STAG1: variants seen among roughly 807,000 people sequenced by gnomAD.
The protein encoded by STAG1 is cohesin subunit SA-1.
Under a neutral mutation model 170.9 loss-of-function variants are expected in STAG1, and 26 were observed. That is an observed-to-expected ratio of 0.15 (90% CI 0.11 to 0.21). The LOEUF (loss-of-function observed/expected upper bound fraction) is 0.21. STAG1 is among the 10% of genes least tolerant of loss of function. STAG1 has a pLI of 1.00. For synonymous variants in STAG1, 514 were observed against 497.7 expected (o/e 1.03, Z -0.44); for missense variants, 964 against 1,509.5 (o/e 0.64, Z 5.99).
intron 3 of STAG1, among the ~76,000 whole-genome samples, chr3:136,620,187 C>T (rs1288812792): frequency 6.6e-6 from 1 of 151,790 alleles, no homozygotes; most frequent in Non-Finnish European, 1.5e-5. Context: ...ACCAAAGATA[C>T]AAGAAATGCC....
chr3:136,548,294 A>G (rs1471684948), intron 5 of STAG1, among the ~76,000 whole-genome samples: 4 of 151,854 alleles, frequency 2.6e-5, no homozygotes, highest in Non-Finnish European at 1.5e-5. Flanking sequence ...TTGTATTTTT[A>G]GTAGAGATAG....
intron 1 of STAG1, among the ~76,000 whole-genome samples, chr3:136,714,656 A>C (rs1004170099): frequency 1.3e-5 from 2 of 152,062 alleles, no homozygotes; most frequent in African/African-American, 4.8e-5. Context: ...TGAACCCAGG[A>C]GGCGGAGCTT....
At chr3:136,691,924 C>A (rs1942737705) in intron 1 of STAG1, among the ~76,000 whole-genome samples, 1 of 152,144 alleles carries the variant, frequency 6.6e-6, no homozygotes, top group Admixed American at 6.6e-5. Context: ...TCAGTACAGT[C>A]CTGAGGCATA....
intron 9 of STAG1, among the ~76,000 whole-genome samples, chr3:136,494,890 T>A (rs1484965578): frequency 6.6e-6 from 1 of 152,180 alleles, no homozygotes; most frequent in Non-Finnish European, 1.5e-5. Context: ...AGAGGTTAAT[T>A]CTCTCCAAAT....
chr3:136,614,834 C>T (rs1939500632), intron 3 of STAG1, among the ~76,000 whole-genome samples: 1 of 151,472 alleles, frequency 6.6e-6, no homozygotes, highest in African/African-American at 2.4e-5. Context: ...CCTTATCTGG[C>T]ATAATGAGCT....
chr3:136,443,304 G>A lies in STAG1; in HGVS notation c.1529C>T (p.Pro510Leu). The change falls in exon 15 of 34, where the codon CCT (proline) becomes CTT (leucine). Residue 510 changes from proline (P) to leucine (L), a missense_variant. By Grantham distance (98) the Pro-to-Leu change is moderately conservative. This residue lies in a region of STAG1 where 162 missense variants were observed against 211.2 expected (regional missense o/e 0.77). Transcript: ENST00000383202. ...TACTATACCTTCCTCTCCTTGAACA[G>A]GTTCTTCTAATAGCAACTCTGTCAT... Reference protein sequence around the residue: ...ECMTELLLEEPVQGEEAMSDR... With the variant: ...ECMTELLLEELVQGEEAMSDR... The A allele has an allele frequency of 1.9e-6, 3 of 1,612,000 alleles. No homozygotes were observed. Among genetic ancestry groups the A allele is most frequent in the South Asian group, 1.1e-5 (1 of 90,888 alleles).
At chr3:136,693,101 T>A (rs1942778922) in intron 1 of STAG1, among the ~76,000 whole-genome samples, 1 of 152,238 alleles carries the variant, frequency 6.6e-6, no homozygotes, top group Non-Finnish European at 1.5e-5. Flanking sequence ...GATGTCATCA[T>A]GATTTTATTT....
At chr3:136,667,743 G>A (rs975963521) in intron 1 of STAG1, among the ~76,000 whole-genome samples, 4 of 152,106 alleles carry the variant, frequency 2.6e-5, no homozygotes, top group Admixed American at 1.3e-4. Flanking sequence ...TGATCTGCCC[G>A]CCTTGGCCTC....
At chr3:136,691,632 A>C (rs1942726108) in intron 1 of STAG1, among the ~76,000 whole-genome samples, 1 of 152,224 alleles carries the variant, frequency 6.6e-6, no homozygotes, top group Non-Finnish European at 1.5e-5. Flanking sequence ...AGGGAAGTGC[A>C]GGATGTCCTG....
chr3:136,528,497 C>CA (rs1366684648), intron 6 of STAG1, among the ~76,000 whole-genome samples: 27 of 110,508 alleles, frequency 2.4e-4, no homozygotes, highest in African/African-American at 7.1e-4. Flanking sequence ...TCCCCGCACC[C>CA]CCCCCCCCAA....
intron 1 of STAG1, among the ~76,000 whole-genome samples, chr3:136,673,094 T>C (rs1481609610): frequency 6.6e-6 from 1 of 152,206 alleles, no homozygotes; most frequent in Non-Finnish European, 1.5e-5. Flanking sequence ...AAAAAGGGAA[T>C]AAGAATTCGT....
chr3:136,741,430 A>G (rs1348534272), intron 1 of STAG1, among the ~76,000 whole-genome samples: 2 of 152,206 alleles, frequency 1.3e-5, no homozygotes, highest in Non-Finnish European at 2.9e-5. Context: ...ATGATCAATG[A>G]TTATTATAAC....
chr3:136,414,519 C>A (rs1479664645), intron 21 of STAG1, among the ~76,000 whole-genome samples: 2 of 152,212 alleles, frequency 1.3e-5, no homozygotes, highest in Non-Finnish European at 2.9e-5. Context: ...TCCACTACAT[C>A]TGGGTGACTT....
In STAG1 at chr3:136,347,784, T is replaced by C. The variant is rs146289109; in HGVS notation, c.3271+1374A>G. Among the ~76,000 whole-genome samples the C allele has an allele frequency of 6.2e-4, 94 of 152,340 alleles. No homozygotes were observed. In the East Asian group the frequency reaches 0.017, roughly 27 times the overall value. ...ATGTGCCAAGCACTGTGCTCAGTAC[T>C]GTGTGTATACTAAGTAGTTTATTTG... On this transcript the variant is annotated intron_variant, in intron 29 of 33. Coordinates refer to ENST00000383202, the MANE Select transcript of STAG1 (RefSeq NM_005862.3).
chr3:136,747,961 A>G (rs1935031702), intron 1 of STAG1, among the ~76,000 whole-genome samples: 1 of 151,622 alleles, frequency 6.6e-6, no homozygotes, highest in South Asian at 2.1e-4. Flanking sequence ...TATTTTTAGT[A>G]GAGACAGGGT....
chr3:136,424,695 G>A (rs1015679826), intron 16 of STAG1, among the ~76,000 whole-genome samples: 4 of 152,078 alleles, frequency 2.6e-5, no homozygotes, highest in African/African-American at 9.7e-5. Context: ...AAATACCTCT[G>A]AGGGGATAAC....
At chr3:136,663,174 TG>T (rs1218844721) in intron 1 of STAG1, among the ~76,000 whole-genome samples, 1 of 152,206 alleles carries the variant, frequency 6.6e-6, no homozygotes, top group Non-Finnish European at 1.5e-5. Context: ...AAAAGCTGTT[TG>T]TTTTTTTAAA....
At chr3:136,519,532 A>C (rs549493434) in intron 7 of STAG1, among the ~76,000 whole-genome samples, 1 of 151,990 alleles carries the variant, frequency 6.6e-6, no homozygotes, top group Non-Finnish European at 1.5e-5. Context: ...CTTTATTTTC[A>C]AGGTTTTTTT....
At chr3:136,391,549 G>C (rs771380890) in intron 22 of STAG1, among the ~76,000 whole-genome samples, 2 of 152,012 alleles carry the variant, frequency 1.3e-5, no homozygotes, top group African/African-American at 4.8e-5. Context: ...GCTAACTTTT[G>C]TATTTTTAGT....
Sources: gnomAD v4.1 joint callset for allele counts (sites outside exome capture counted in the v4.1 genomes callset) on GRCh38, gnomAD v4.1.1 for gene constraint, gnomAD v4.1.1 regional missense constraint, MANE v1.5 for transcripts, NCBI Gene and HGNC (gene_info 2026-07-23, HGNC 2026-07-21) for gene names.